The following FNIP2 variants were observed in gnomAD, a reference collection of about 807,000 sequenced individuals.
FNIP2 encodes folliculin-interacting protein 2.
A neutral mutation model predicts 108.7 loss-of-function variants in FNIP2; 32 were observed. The observed-to-expected ratio is 0.29, with a 90% CI of 0.22 to 0.40. The LOEUF (loss-of-function observed/expected upper bound fraction) is 0.40, where lower values mean the gene tolerates loss of function less well. Among genes scored for constraint, FNIP2 ranks in the 10% least tolerant of loss-of-function variants. The pLI is 1.00. For synonymous variants in FNIP2, 480 were observed against 496.7 expected (o/e 0.97, Z 0.45); for missense variants, 1,202 against 1,381.6 (o/e 0.87, Z 2.06).
intron 14 of FNIP2, among the ~76,000 whole-genome samples, chr4:158,875,091 A>G (rs13143603): frequency 0.29 from 43,534 of 151,294 alleles, 6,946 homozygotes; most frequent in Non-Finnish European, 0.38. Flanking sequence ...TGTCTCAAAA[A>G]AAAAAAAAAA....
intron 14 of FNIP2, among the ~76,000 whole-genome samples, chr4:158,875,529 T>TGCTC (rs1264808645): frequency 7.1e-6 from 1 of 140,630 alleles, no homozygotes; most frequent in Non-Finnish European, 1.5e-5. Context: ...TATATATATA[T>TGCTC]ATATATATAT....
intron 3 of FNIP2, among the ~76,000 whole-genome samples, chr4:158,831,062 G>A (rs1778455989): frequency 6.6e-6 from 1 of 152,198 alleles, no homozygotes; most frequent in Non-Finnish European, 1.5e-5. Flanking sequence ...CAAAACCACA[G>A]TAAGGGATGA....
At chr4:158,842,334 T>C (rs938763486) in intron 7 of FNIP2, among the ~76,000 whole-genome samples, 28 of 152,330 alleles carry the variant, frequency 1.8e-4, no homozygotes, top group African/African-American at 6.5e-4. Flanking sequence ...ATAACTTATA[T>C]TAAAAGAAGA....
chr4:158,815,026 C>T (rs980629171), intron 1 of FNIP2, among the ~76,000 whole-genome samples: 2 of 152,196 alleles, frequency 1.3e-5, no homozygotes, highest in African/African-American at 2.4e-5. Context: ...GCTTAATATT[C>T]AAAAGGCACA....
At position 158,819,423 on chromosome 4, in the gene FNIP2, T is replaced by C. The variant is rs1292739331; in HGVS notation, c.108-6493T>C. Among the ~76,000 whole-genome samples the C allele has an allele frequency of 2.0e-5, 3 of 152,226 alleles. No homozygotes were observed. In the East Asian group the frequency reaches 5.8e-4, roughly 29 times the overall value. ...AATTAATATTAATATCTTTATGTTATCAATATATATTAAAGCTTCTGATAA... is the reference window on the plus strand; with the variant it reads ...AATTAATATTAATATCTTTATGTTACCAATATATATTAAAGCTTCTGATAA... On this transcript the variant is annotated intron_variant, in intron 1 of 16. Transcript: ENST00000264433.
intron 8 of FNIP2, 80 bp downstream of exon 8, chr4:158,851,530 C>T: frequency 6.5e-7 from 1 of 1,540,060 alleles, no homozygotes; most frequent in African/African-American, 1.4e-5. Flanking sequence ...CTGTTCGTGC[C>T]TATTGTCAGT....
At position 158,875,541 on chromosome 4, in the gene FNIP2, T is replaced by TATATATATATATATATATATAC. The variant is rs1553964269; in HGVS notation, c.2949+5072_2949+5073insATATATATATATATATATATAC. Among the ~76,000 whole-genome samples the TATATATATATATATATATATAC allele has an allele frequency of 1.4e-5, 2 of 141,446 alleles. 1 individual carries two copies. Among genetic ancestry groups the TATATATATATATATATATATAC allele is most frequent in the African/African-American group, 5.7e-5 (2 of 34,900 alleles). 92.8% of individuals were successfully genotyped at this position (141,446 alleles called of 152,430 possible). A position where few individuals can be genotyped will look rare whatever the true frequency, so the allele number is the denominator to read the frequency against. On this transcript the variant is annotated intron_variant, in intron 14 of 16. Transcript: ENST00000264433. ...ATATATATATATATATATATATATA[T>TATATATATATATATATATATAC]GCTCATGAATACCTAATTAGTCCAT...
At chr4:158,799,466 A>G (rs1014721283) in intron 1 of FNIP2, among the ~76,000 whole-genome samples, 11 of 152,212 alleles carry the variant, frequency 7.2e-5, no homozygotes, top group African/African-American at 1.4e-4. Context: ...AATGTGTTAC[A>G]TAAGAATTTC....
intron 14 of FNIP2, among the ~76,000 whole-genome samples, chr4:158,876,111 G>A (rs1426210088): frequency 6.6e-6 from 1 of 152,014 alleles, no homozygotes; most frequent in East Asian, 1.9e-4. Context: ...CATGGATTGT[G>A]GTTAAAAAAA....
intron 1 of FNIP2, among the ~76,000 whole-genome samples, chr4:158,805,136 CAACCTAGTACAAAG>C (rs1456954695): frequency 5.9e-5 from 9 of 152,154 alleles, no homozygotes; most frequent in African/African-American, 1.9e-4. Context: ...ACTTTTGCAC[CAACCTAGTACAAAG>C]GTGCATTTAA....
intron 14 of FNIP2, among the ~76,000 whole-genome samples, chr4:158,877,503 A>G (rs1560825115): frequency 6.6e-6 from 1 of 152,230 alleles, no homozygotes; most frequent in African/African-American, 2.4e-5. Flanking sequence ...TCCAAGAGAA[A>G]AATTTCTGAT....
At chr4:158,847,652 G>A (rs1036647384) in intron 7 of FNIP2, among the ~76,000 whole-genome samples, 2 of 152,050 alleles carry the variant, frequency 1.3e-5, no homozygotes, top group Non-Finnish European at 2.9e-5. Flanking sequence ...TTGAGAAAAC[G>A]GTACCAGGTT....
intron 7 of FNIP2, among the ~76,000 whole-genome samples, chr4:158,847,472 A>G (rs1385204884): frequency 6.6e-6 from 1 of 152,096 alleles, no homozygotes; most frequent in Non-Finnish European, 1.5e-5. Context: ...CTCCCAGACA[A>G]CATTTTCAGA....
intron 14 of FNIP2, chr4:158,871,441 T>G: frequency 2.0e-6 from 2 of 985,374 alleles, no homozygotes; most frequent in Non-Finnish European, 2.4e-6. Context: ...AGGCATTGCA[T>G]GTTATCTTTG....
At chr4:158,817,355 C>T (rs1777633302) in intron 1 of FNIP2, among the ~76,000 whole-genome samples, 1 of 152,184 alleles carries the variant, frequency 6.6e-6, no homozygotes, top group African/African-American at 2.4e-5. Flanking sequence ...TTATGTTTAG[C>T]AGGTTTAAGG....
chr4:158,832,006 G>C, intron 4 of FNIP2, 45 bp downstream of exon 4: 1 of 1,599,250 alleles, frequency 6.3e-7, no homozygotes, highest in Non-Finnish European at 8.6e-7. Flanking sequence ...AAGTGGAACG[G>C]TGGTATTGAC....
rs768456849 is a variant in FNIP2, at chr4:158,868,456, G to A, written c.1820G>A (p.Ser607Asn). 7 of 1,613,944 alleles carry A rather than the reference G, an allele frequency of 4.3e-6. No homozygotes were observed. In the African/African-American group the frequency reaches 8.0e-5, roughly 18 times the overall value. Residue 607 changes from serine (S) to asparagine (N), a missense_variant, in exon 13 of 17, where the codon AGT becomes AAT. Ser to Asn is a conservative substitution (Grantham distance 46, BLOSUM62 1). Transcript: ENST00000264433. This position sits in a 1 kb window ranked among gnomAD's most constrained non-coding sequence, Gnocchi z 4.6. ...GFPECPEGTDSRDLGLKPDKE... is the reference protein window; with the variant it reads ...GFPECPEGTDNRDLGLKPDKE... ...CCTGAGTGCCCAGAGGGCACTGACA[G>A]TAGAGACCTGGGTCTTAAACCTGAC...
intron 7 of FNIP2, among the ~76,000 whole-genome samples, chr4:158,843,996 T>C (rs1257688565): frequency 6.6e-6 from 1 of 152,200 alleles, no homozygotes; most frequent in East Asian, 1.9e-4. Context: ...GGAACCGTGA[T>C]CACATTTTTC....
chr4:158,844,388 C>T (rs1169747088), intron 7 of FNIP2, among the ~76,000 whole-genome samples: 1 of 152,140 alleles, frequency 6.6e-6, no homozygotes, highest in Non-Finnish European at 1.5e-5. Context: ...GGGATGTCCT[C>T]CCTTTGAGCC....
Sources: allele counts gnomAD v4.1 joint callset (sites outside exome capture counted in the v4.1 genomes callset), GRCh38; gene constraint gnomAD v4.1.1; non-coding constraint Gnocchi (gnomAD v3.1); transcripts MANE v1.5; gene names NCBI Gene and HGNC (gene_info 2026-07-23, HGNC 2026-07-21).